Variants in RORA observed in about 807,000 individuals in gnomAD.
The protein encoded by RORA is RAR related orphan receptor A.
Under a neutral mutation model 69.5 loss-of-function variants are expected in RORA, and 7 were observed. The ratio of observed to expected loss-of-function variants is 0.10; its 90% confidence interval spans 0.06 to 0.19. RORA has a LOEUF of 0.19. RORA is among the 10% of genes least tolerant of loss of function. The probability of loss-of-function intolerance (pLI) is 1.00; values close to 1 mark genes in which losing one functional copy is unlikely to be tolerated. For synonymous variants in RORA, 261 were observed against 240.8 expected, an observed-to-expected ratio of 1.08 and a Z score of -0.78; for missense variants, 457 against 663.0, an observed-to-expected ratio of 0.69 and a Z score of 3.41.
At chr15:60,796,189 T>G (rs898721602) in intron 1 of RORA, among the ~76,000 whole-genome samples, 1 of 152,134 alleles carries the variant, frequency 6.6e-6, no homozygotes, top group African/African-American at 2.4e-5. Flanking sequence ...TGCCTCTCTG[T>G]ATCACAGTGA....
chr15:60,547,817 G>A (rs2067119980), intron 2 of RORA: 3 of 152,150 alleles, frequency 2.0e-5, no homozygotes, highest in Admixed American at 2.0e-4. Context: ...ATTAGCTTTT[G>A]GCAGTGACAG....
intron 1 of RORA, among the ~76,000 whole-genome samples, chr15:61,010,118 T>C (rs1406040201): frequency 1.3e-5 from 2 of 152,226 alleles, no homozygotes; most frequent in Non-Finnish European, 2.9e-5. Context: ...GGTTATATGC[T>C]AACTATTCCT....
chr15:60,650,103 G>A (rs2070117556), intron 2 of RORA, among the ~76,000 whole-genome samples: 1 of 151,910 alleles, frequency 6.6e-6, no homozygotes, highest in South Asian at 2.1e-4. Flanking sequence ...CAATAAAATG[G>A]CCTTTAGAAG....
At chr15:60,862,721 T>C (rs1452311209) in intron 1 of RORA, among the ~76,000 whole-genome samples, 1 of 152,212 alleles carries the variant, frequency 6.6e-6, no homozygotes, top group African/African-American at 2.4e-5. Context: ...TCCCAGAGCT[T>C]GCCCAGAACA....
At chr15:60,503,692 C>T (rs2065402373) in intron 6 of RORA, 25 bp from the exon 7 acceptor site, 4 of 1,611,988 alleles carry the variant, frequency 2.5e-6, no homozygotes, top group South Asian at 1.1e-5. Flanking sequence ...AACACATTAA[C>T]ATCCTCCAGG....
chr15:60,967,482 C>T (rs1456423989), intron 1 of RORA, among the ~76,000 whole-genome samples: 4 of 152,176 alleles, frequency 2.6e-5, no homozygotes, highest in African/African-American at 2.4e-5. Flanking sequence ...ATCATTATGA[C>T]GTGCTCCTCT....
intron 1 of RORA, among the ~76,000 whole-genome samples, chr15:60,782,842 T>C (rs978215539): frequency 6.6e-6 from 1 of 152,230 alleles, no homozygotes; most frequent in Non-Finnish European, 1.5e-5. Context: ...CTGGCCAAGC[T>C]GCATGGAAAC....
intron 1 of RORA, among the ~76,000 whole-genome samples, chr15:60,883,953 T>C (rs2073720749): frequency 6.6e-6 from 1 of 152,220 alleles, no homozygotes; most frequent in Non-Finnish European, 1.5e-5. Flanking sequence ...GGTTTTCTCT[T>C]CCAGCATTCT....
chr15:60,839,772 C>T (rs2073171907), intron 1 of RORA, among the ~76,000 whole-genome samples: 1 of 152,178 alleles, frequency 6.6e-6, no homozygotes, highest in Non-Finnish European at 1.5e-5. Flanking sequence ...GTCCTGTGTT[C>T]ACTTACAGGC....
intron 1 of RORA, among the ~76,000 whole-genome samples, chr15:60,930,818 T>C (rs1250327760): frequency 6.6e-6 from 1 of 152,176 alleles, no homozygotes; most frequent in Non-Finnish European, 1.5e-5. Context: ...TGAGCAGAGA[T>C]TCCCAATCAT....
intron 1 of RORA, among the ~76,000 whole-genome samples, chr15:61,051,484 G>A (rs1897287816): frequency 6.6e-6 from 1 of 152,140 alleles, no homozygotes; most frequent in African/African-American, 2.4e-5. Flanking sequence ...CTTTCTCCTA[G>A]AGTCAATCCA....
intron 2 of RORA, among the ~76,000 whole-genome samples, chr15:60,626,240 A>G (rs575995211): frequency 5.3e-4 from 81 of 152,344 alleles, no homozygotes; most frequent in Admixed American, 1.2e-3. Flanking sequence ...TCAAACAGCT[A>G]GCTGAGCATA....
At chr15:60,867,922 T>C (rs1379492672) in intron 1 of RORA, among the ~76,000 whole-genome samples, 1 of 152,250 alleles carries the variant, frequency 6.6e-6, no homozygotes, top group African/African-American at 2.4e-5. Flanking sequence ...ATGTATAGTA[T>C]ATTTTTAATC....
chr15:60,872,783 C>T (rs1401332886), intron 1 of RORA, among the ~76,000 whole-genome samples: 3 of 151,620 alleles, frequency 2.0e-5, no homozygotes, highest in African/African-American at 7.2e-5. Flanking sequence ...GCATGGTGCA[C>T]AAGCTCCTTC....
intron 1 of RORA, among the ~76,000 whole-genome samples, chr15:61,043,898 G>T (rs1896903280): frequency 1.3e-5 from 2 of 152,108 alleles, no homozygotes; most frequent in Admixed American, 1.3e-4. Flanking sequence ...ATTATCCCAA[G>T]CAGTCTGAAA....
At chr15:60,598,376 C>G (rs1596038051) in intron 2 of RORA, 1 of 152,174 alleles carries the variant, frequency 6.6e-6, no homozygotes, top group Non-Finnish European at 1.5e-5. Flanking sequence ...TGTGTAGGTT[C>G]ACTTATGTGA....
intron 1 of RORA, chr15:60,848,165 C>T (rs1275587218): frequency 6.6e-6 from 1 of 152,294 alleles, no homozygotes; most frequent in Admixed American, 6.5e-5. Context: ...TGTGGGTCTC[C>T]TCTCAAGTGG....
intron 2 of RORA, among the ~76,000 whole-genome samples, chr15:60,652,712 G>A (rs1436988921): frequency 1.3e-5 from 2 of 152,150 alleles, no homozygotes; most frequent in African/African-American, 4.8e-5. Context: ...TTAGTTGGTA[G>A]AGAATCCCAT....
intron 2 of RORA, chr15:60,544,803 A>G (rs1489143734): frequency 6.6e-6 from 1 of 152,184 alleles, no homozygotes; most frequent in Non-Finnish European, 1.5e-5. Context: ...TTCACTTTTC[A>G]GAACAAAACC....
Sources: gnomAD v4.1 joint callset for allele counts (sites outside exome capture counted in the v4.1 genomes callset) on GRCh38, gnomAD v4.1.1 for gene constraint, MANE v1.5 for transcripts, NCBI Gene and HGNC (gene_info 2026-07-23, HGNC 2026-07-21) for gene names.